Variants in DHX34 observed in about 807,000 individuals in gnomAD.
The protein encoded by DHX34 is probable ATP-dependent RNA helicase DHX34.
In DHX34, 96 loss-of-function variants were observed where a neutral mutation model predicts 111.1. The ratio of observed to expected loss-of-function variants is 0.86; its 90% CI spans 0.73 to 1.02. The LOEUF (loss-of-function observed/expected upper bound fraction) is 1.02. Ranked by LOEUF, DHX34 falls within the 50% of genes least tolerant of loss-of-function variation. The pLI, the probability that DHX34 is intolerant of heterozygous loss-of-function variation, is 0.00. For missense variants in DHX34, 1,560 were observed against 1,579.9 expected (o/e 0.99, Z 0.21); for synonymous variants, 688 against 670.4 (o/e 1.03, Z -0.41).
At chr19:47,351,742 CAT>C (rs1260006952) in intron 1 of DHX34, among the ~76,000 whole-genome samples, 4 of 152,200 alleles carry the variant, frequency 2.6e-5, no homozygotes, top group African/African-American at 7.2e-5. Flanking sequence ...CTTCTTGGAT[CAT>C]GTGTCCGCTT....
rs138202170 is a variant in DHX34 at position 47,381,273 on chromosome 19, C to T, written c.3247C>T (p.Arg1083Cys). 29 of 1,613,862 alleles carry T rather than the reference C, an allele frequency of 1.8e-5. No individual in the cohort carries two copies. The highest frequency in any genetic ancestry group is 8.9e-5 in the East Asian group (4 of 44,890). ...GLHAPLTPLE[R>C]IAHENTCPQA... ...GCATGCGCCCCTCACGCCCCTGGAG[C>T]GCATCGCCCATGAGAACACCTGCCC... The change falls in exon 16 of 17, where the codon CGC (arginine) becomes TGC (cysteine). Residue 1083 changes from arginine (R) to cysteine (C), a missense_variant. Coordinates refer to ENST00000328771, the MANE Select transcript of DHX34 (RefSeq NM_014681.6).
intron 13 of DHX34, among the ~76,000 whole-genome samples, chr19:47,379,000 G>A (rs946534086): frequency 6.6e-6 from 1 of 151,780 alleles, no homozygotes; most frequent in African/African-American, 2.4e-5. Flanking sequence ...TGGGTGGCGC[G>A]TGCCTGTAAT....
chr19:47,375,631 G>C lies in DHX34; in HGVS notation c.2230G>C (p.Glu744Gln), dbSNP rs773876357. The change falls in exon 10 of 17, where the codon GAG becomes CAG. Residue 744 changes from glutamate to glutamine, a missense_variant. By Grantham distance (29) the Glu-to-Gln change is conservative. Coordinates refer to ENST00000328771, the MANE Select transcript of DHX34 (RefSeq NM_014681.6). ...RRRKVLRLQE[E>Q]QDGGSSDEDR... is the part of the protein sequence containing the mutation. Reference sequence around the variant, plus strand: ...GCGCAAGGTGCTGCGGCTGCAGGAGGAGCAGGACGGCGGCTCCAGTGACGA... The same window carrying C: ...GCGCAAGGTGCTGCGGCTGCAGGAGCAGCAGGACGGCGGCTCCAGTGACGA... The C allele has an allele frequency of 2.1e-5, 32 of 1,552,258 alleles. No homozygotes were observed. The highest frequency in any genetic ancestry group is 2.4e-5 in the Non-Finnish European group (28 of 1,151,618).
intron 14 of DHX34, 96 bp downstream of exon 14, chr19:47,380,081 C>T (rs1970307413): frequency 6.9e-7 from 1 of 1,459,258 alleles, no homozygotes; most frequent in African/African-American, 1.4e-5. Context: ...CCATTCACTC[C>T]ACATGGGCAC....
At chr19:47,359,924 G>A (rs767026696) in intron 4 of DHX34, 44 bp from the exon 5 acceptor site, 2 of 1,613,338 alleles carry the variant, frequency 1.2e-6, no homozygotes, top group East Asian at 2.2e-5. Flanking sequence ...TAGGTTAGTC[G>A]GGGCTGAGTT....
At chr19:47,379,259 G>A (rs1970271765) in intron 13 of DHX34, among the ~76,000 whole-genome samples, 1 of 152,146 alleles carries the variant, frequency 6.6e-6, no homozygotes, top group Admixed American at 6.6e-5. Flanking sequence ...ATCCACGCAT[G>A]GCCAGTCCTG....
chr19:47,375,038 C>T (rs1277987996), intron 9 of DHX34, among the ~76,000 whole-genome samples: 5 of 152,188 alleles, frequency 3.3e-5, no homozygotes, highest in African/African-American at 1.2e-4. Flanking sequence ...GCCGAGCCCC[C>T]TCCTCTCTCC....
chr19:47,355,388 C>G, intron 3 of DHX34, 38 bp downstream of exon 3: 1 of 1,594,404 alleles, frequency 6.3e-7, no homozygotes, highest in Non-Finnish European at 8.6e-7. Flanking sequence ...CCCAGACCTC[C>G]AACCTGGTCT....
At chr19:47,375,297 G>GT (rs1304326699) in intron 9 of DHX34, 169 bp from the exon 10 acceptor site, 10 of 985,346 alleles carry the variant, frequency 1.0e-5, no homozygotes, top group Non-Finnish European at 1.2e-5. Flanking sequence ...TGACCAGCGA[G>GT]GACAGCTCTC....
chr19:47,372,603 C>T, intron 7 of DHX34, 127 bp from the exon 8 acceptor site: 1 of 1,427,374 alleles, frequency 7.0e-7, no homozygotes. Flanking sequence ...GTCACAAGAC[C>T]CTTAGTGGGC....
At chr19:47,381,880 C>T in intron 16 of DHX34, 100 bp from the exon 17 acceptor site, 6 of 1,569,646 alleles carry the variant, frequency 3.8e-6, no homozygotes, top group Non-Finnish European at 5.2e-6. Context: ...CTCCAAAGGC[C>T]AGGAGAGAAC....
intron 10 of DHX34, 39 bp from the exon 11 acceptor site, chr19:47,375,885 C>A: frequency 6.4e-7 from 1 of 1,556,300 alleles, no homozygotes. Flanking sequence ...AGGAGCCCCT[C>A]AGGTCCCCTA....
chr19:47,352,457 C>G (rs1388114256), intron 1 of DHX34, among the ~76,000 whole-genome samples: 1 of 152,170 alleles, frequency 6.6e-6, no homozygotes, highest in Non-Finnish European at 1.5e-5. Context: ...GGGGGAATTG[C>G]TTGAGCCCAG....
chr19:47,360,744 A>G (rs1261811484), intron 5 of DHX34, among the ~76,000 whole-genome samples: 5 of 151,752 alleles, frequency 3.3e-5, no homozygotes, highest in Admixed American at 6.6e-5. Context: ...CTGGAGTGCA[A>G]TGGTGCAAGC....
intron 16 of DHX34, chr19:47,381,529 C>A: frequency 1.5e-6 from 1 of 685,876 alleles, no homozygotes; most frequent in South Asian, 2.1e-5. Flanking sequence ...CTCTTTCTGT[C>A]TGCCTGTCCC....
chr19:47,364,926 G>A (rs1030915729), intron 6 of DHX34, among the ~76,000 whole-genome samples: 7 of 152,088 alleles, frequency 4.6e-5, no homozygotes, highest in Admixed American at 1.3e-4. Flanking sequence ...CACAGTGGGC[G>A]TCACCTCCTC....
intron 5 of DHX34, among the ~76,000 whole-genome samples, chr19:47,360,282 T>C (rs958736589): frequency 6.6e-6 from 1 of 152,238 alleles, no homozygotes; most frequent in African/African-American, 2.4e-5. Flanking sequence ...TATTTGAGTA[T>C]GTCAAATCCA....
chr19:47,377,624 G>A (rs976822461), intron 13 of DHX34, among the ~76,000 whole-genome samples: 3 of 136,476 alleles, frequency 2.2e-5, no homozygotes, highest in African/African-American at 2.9e-5. Flanking sequence ...TGTGGATCTC[G>A]GGGCAGAGTG....
At chr19:47,372,130 C>A (rs1969982197) in intron 7 of DHX34, among the ~76,000 whole-genome samples, 2 of 151,474 alleles carry the variant, frequency 1.3e-5, no homozygotes, top group African/African-American at 4.9e-5. Context: ...TCCTTCCTCC[C>A]CTTTCCCTAC....
Sources: gnomAD v4.1 joint callset for allele counts (sites outside exome capture counted in the v4.1 genomes callset) on GRCh38, gnomAD v4.1.1 for gene constraint, MANE v1.5 for transcripts, NCBI Gene and HGNC (gene_info 2026-07-23, HGNC 2026-07-21) for gene names.